The following GRIK2 variants were observed in gnomAD, a reference collection of about 807,000 sequenced individuals.
GRIK2 encodes the protein glutamate receptor ionotropic, kainate 2.
GRIK2 carries 32 observed loss-of-function variants against 100.3 expected under a neutral mutation model. The ratio of observed to expected loss-of-function variants is 0.32; its 90% CI spans 0.24 to 0.43. The LOEUF (loss-of-function observed/expected upper bound fraction) is 0.43, where lower values mean the gene tolerates loss of function less well. Ranked by LOEUF, GRIK2 falls within the 20% of genes least tolerant of loss-of-function variation. GRIK2 has a pLI of 1.00. For missense variants in GRIK2, 843 were observed against 1,114.9 expected (o/e 0.76, Z 3.47); for synonymous variants, 417 against 389.4 (o/e 1.07, Z -0.83).
rs1416794662 is a variant in GRIK2, at chr6:101,980,847, T to TAAGCACTGAAGTAAC, written c.2085+52218_2085+52232dup. Among the ~76,000 whole-genome samples, 13 of 149,906 alleles carry TAAGCACTGAAGTAAC rather than the reference T, an allele frequency of 8.7e-5. No homozygotes were observed. The East Asian group carries it at 2.4e-3, about 27-fold the overall frequency. On this transcript the variant is annotated intron_variant, in intron 14 of 16. Coordinates refer to ENST00000369134, the MANE Select transcript of GRIK2 (RefSeq NM_021956.5). ...ATAAAAATTACAGTTCTTAAAAGTA[T>TAAGCACTGAAGTAAC]AAGCACTGAAGTAACAAATTAACCA...
intron 7 of GRIK2, among the ~76,000 whole-genome samples, chr6:101,726,343 A>G (rs751367408): frequency 2.0e-5 from 3 of 152,052 alleles, no homozygotes; most frequent in Non-Finnish European, 4.4e-5. Context: ...GAAGCTAATG[A>G]AAGGTACTAA....
chr6:101,922,101 T>TTCCTTCCC (rs1789570563), intron 12 of GRIK2, among the ~76,000 whole-genome samples: 1 of 22,994 alleles, frequency 4.3e-5, no homozygotes, highest in Non-Finnish European at 9.0e-5. Flanking sequence ...CCTTCCTTCC[T>TTCCTTCCC]TCCTTCCTTC....
chr6:101,873,654 C>A (rs1785589699), intron 11 of GRIK2, among the ~76,000 whole-genome samples: 1 of 151,978 alleles, frequency 6.6e-6, no homozygotes, highest in African/African-American at 2.4e-5. Context: ...AGTTCTAGAT[C>A]CTTGAGGAAT....
At chr6:101,849,170 G>A (rs1250608518) in intron 10 of GRIK2, among the ~76,000 whole-genome samples, 3 of 151,696 alleles carry the variant, frequency 2.0e-5, no homozygotes, top group African/African-American at 2.4e-5. Flanking sequence ...TGGATGAGAG[G>A]ACTGCAAGTG....
At chr6:101,721,444 A>G (rs1288601537) in intron 7 of GRIK2, among the ~76,000 whole-genome samples, 2 of 151,804 alleles carry the variant, frequency 1.3e-5, no homozygotes, top group African/African-American at 4.8e-5. Flanking sequence ...CTGTAGTCCC[A>G]GCTACTTGGG....
At chr6:101,755,689 G>T (rs771353164) in intron 7 of GRIK2, among the ~76,000 whole-genome samples, 27 of 152,110 alleles carry the variant, frequency 1.8e-4, no homozygotes, top group Admixed American at 3.3e-4. Context: ...ATTTAAAAGT[G>T]TATCTACTAA....
In GRIK2 at chr6:102,035,324, ATATT is replaced by A; in HGVS notation, c.2086-11_2086-8del. ...AGAATAACTTTCTCGTGACCAACTT[ATATT>A]TATTTTCTTCAGAAATCAAAAATCT... On this transcript the variant is annotated splice_polypyrimidine_tract_variant and intron_variant, in intron 14 of 16. Coordinates refer to ENST00000369134, the MANE Select transcript of GRIK2 (RefSeq NM_021956.5). The A allele has an allele frequency of 2.7e-6, 4 of 1,467,886 alleles. No homozygotes were observed. The highest frequency in any genetic ancestry group is 1.1e-5 in the South Asian group (1 of 87,594). The allele number at this position is 1,467,886 out of a possible 1,614,324, so 90.9% of individuals were successfully genotyped here. A position where few individuals can be genotyped will look rare whatever the true frequency, so the allele number is the denominator to read the frequency against.
intron 7 of GRIK2, among the ~76,000 whole-genome samples, chr6:101,715,885 A>G (rs1583011912): frequency 6.6e-6 from 1 of 151,822 alleles, no homozygotes; most frequent in East Asian, 1.9e-4. Context: ...TAAATACAGG[A>G]TAATGTTTGG....
intron 7 of GRIK2, among the ~76,000 whole-genome samples, chr6:101,757,802 C>A (rs1245205233): frequency 6.6e-6 from 1 of 152,190 alleles, no homozygotes; most frequent in East Asian, 1.9e-4. Context: ...ATAACATTTT[C>A]TTCATTTCTT....
At chr6:101,925,166 C>T (rs142317690) in intron 13 of GRIK2, among the ~76,000 whole-genome samples, 1 of 152,138 alleles carries the variant, frequency 6.6e-6, no homozygotes, top group African/African-American at 2.4e-5. Context: ...AGTAAATTTA[C>T]TGCCTATAAA....
intron 14 of GRIK2, among the ~76,000 whole-genome samples, chr6:101,945,304 A>G (rs1791205317): frequency 6.6e-6 from 1 of 152,150 alleles, no homozygotes; most frequent in African/African-American, 2.4e-5. Flanking sequence ...AATGTGAAAC[A>G]TCTCTCTAAT....
intron 14 of GRIK2, among the ~76,000 whole-genome samples, chr6:101,946,570 A>C (rs1263296895): frequency 6.6e-6 from 1 of 152,176 alleles, no homozygotes; most frequent in Non-Finnish European, 1.5e-5. Context: ...TATTATGAAT[A>C]ATGCTTATTT....
At chr6:102,003,725 T>C (rs1053541077) in intron 14 of GRIK2, among the ~76,000 whole-genome samples, 2 of 151,772 alleles carry the variant, frequency 1.3e-5, no homozygotes, top group Non-Finnish European at 3.0e-5. Context: ...TCAACAATAT[T>C]ATTCCTTTGA....
chr6:101,968,840 T>G (rs2128485185), intron 14 of GRIK2, among the ~76,000 whole-genome samples: 1 of 152,100 alleles, frequency 6.6e-6, no homozygotes, highest in East Asian at 1.9e-4. Context: ...GAGGATACTG[T>G]AAACCTACCC....
At chr6:101,957,268 TG>T (rs1791996072) in intron 14 of GRIK2, among the ~76,000 whole-genome samples, 1 of 1,848 alleles carries the variant, frequency 5.4e-4, no homozygotes, top group Non-Finnish European at 1.0e-3. Flanking sequence ...ATTTTTGTCA[TG>T]TTTTTTTGGC....
At chr6:101,635,094 T>C (rs1780940629) in intron 4 of GRIK2, among the ~76,000 whole-genome samples, 1 of 151,704 alleles carries the variant, frequency 6.6e-6, no homozygotes, top group Non-Finnish European at 1.5e-5. Flanking sequence ...AATCAAATAA[T>C]TTCCATTTTA....
chr6:101,726,894 A>G (rs535232067), intron 7 of GRIK2, among the ~76,000 whole-genome samples: 3 of 152,120 alleles, frequency 2.0e-5, no homozygotes, highest in South Asian at 2.1e-4. Flanking sequence ...ATGAAAGCAG[A>G]CAAAGTGATA....
At chr6:101,792,627 G>A (rs1260831852) in intron 7 of GRIK2, among the ~76,000 whole-genome samples, 1 of 152,080 alleles carries the variant, frequency 6.6e-6, no homozygotes, top group East Asian at 1.9e-4. Context: ...CTTTCTCTCT[G>A]GCTGCCGTTA....
chr6:102,061,134 A>T (rs1771729818), intron 16 of GRIK2, among the ~76,000 whole-genome samples: 1 of 150,484 alleles, frequency 6.6e-6, no homozygotes, highest in Admixed American at 6.7e-5. Flanking sequence ...TTGCTTACTG[A>T]TCTACTTCCA....
Sources: allele counts gnomAD v4.1 joint callset (sites outside exome capture counted in the v4.1 genomes callset), GRCh38; gene constraint gnomAD v4.1.1; transcripts MANE v1.5; gene names NCBI Gene and HGNC (gene_info 2026-07-23, HGNC 2026-07-21).